LLGL1: variants seen among roughly 807,000 people sequenced by gnomAD.
LLGL1 encodes lethal(2) giant larvae protein homolog 1.
LLGL1 carries 58 observed loss-of-function variants against 110.6 expected under a neutral mutation model. The observed-to-expected ratio is 0.52, with a 90% CI of 0.42 to 0.65. The LOEUF (loss-of-function observed/expected upper bound fraction) is 0.65, where lower values mean the gene tolerates loss of function less well. Ranked by LOEUF, LLGL1 falls within the 30% of genes least tolerant of loss-of-function variation. The probability of loss-of-function intolerance (pLI) is 0.00; values close to 1 mark genes in which losing one functional copy is unlikely to be tolerated. For synonymous variants in LLGL1, 674 were observed against 607.2 expected, an observed-to-expected ratio of 1.11 and a Z score of -1.62; for missense variants, 1,229 against 1,462.1, an observed-to-expected ratio of 0.84 and a Z score of 2.60.
intron 16 of LLGL1, among the ~76,000 whole-genome samples, chr17:18,239,755 CTTTT>C (rs1238571775): frequency 1.3e-5 from 2 of 151,022 alleles, no homozygotes; most frequent in Non-Finnish European, 3.0e-5. Context: ...GGTTCTTTGA[CTTTT>C]TGTTTTTTTT....
At chr17:18,243,364 C>T (rs577927646) in intron 22 of LLGL1, among the ~76,000 whole-genome samples, 1 of 152,354 alleles carries the variant, frequency 6.6e-6, no homozygotes, top group East Asian at 1.9e-4. Flanking sequence ...GCCTCGGCCT[C>T]CCTAAGTCCT....
At chr17:18,232,899 C>A in intron 4 of LLGL1, 97 bp downstream of exon 4, 1 of 1,494,106 alleles carries the variant, frequency 6.7e-7, no homozygotes, top group Non-Finnish European at 9.2e-7. Context: ...AGATGGGCAG[C>A]GGTTCAGGGC....
Position 18,225,778 on chromosome 17 carries a change from C to A in LLGL1, c.81+15C>A. The A allele has an allele frequency of 1.6e-6, 1 of 640,018 alleles. No individual in the cohort carries two copies. The highest frequency in any genetic ancestry group is 1.9e-6 in the Non-Finnish European group (1 of 515,268). 39.6% of individuals were successfully genotyped at this position (640,018 alleles called of 1,614,324 possible). A position where few individuals can be genotyped will look rare whatever the true frequency, so the allele number is the denominator to read the frequency against. On this transcript the variant is annotated intron_variant, in intron 1 of 22. Transcript: ENST00000316843. ...CCTTCAACAAGGTGCGGCGGCGGCC[C>A]GGGCCCGGGCTCGGGCGGGAGGGGG...
rs76532433 is a variant in LLGL1 at position 18,241,361 on chromosome 17, G to A, written c.2503-90G>A. 7.0e-4 allele frequency: 1,031 copies of A among 1,481,096 alleles called. 16 individuals are homozygous for A. The East Asian group carries it at 0.023, about 34-fold the overall frequency. 91.7% of individuals were successfully genotyped at this position (1,481,096 alleles called of 1,614,324 possible). On this transcript the variant is annotated intron_variant, in intron 17 of 22. Coordinates refer to ENST00000316843, the MANE Select transcript of LLGL1 (RefSeq NM_004140.4). ...GTAGCATGCAGCTGGGCTTTGTGGT[G>A]GGGGCTGTTGGGTCAGCAGCCACGA...
chr17:18,238,531 A>G lies in LLGL1; in HGVS notation c.2128A>G (p.Ile710Val). 1.2e-6 allele frequency: 2 copies of G among 1,612,958 alleles called. No individual in the cohort carries two copies. Among genetic ancestry groups the G allele is most frequent in the South Asian group, 1.1e-5 (1 of 91,082 alleles). Residue 710 changes from isoleucine to valine, a missense_variant, in exon 16 of 23, where the codon ATT becomes GTT. Ile to Val is a conservative substitution (Grantham distance 29, BLOSUM62 3). Coordinates refer to ENST00000316843, the MANE Select transcript of LLGL1 (RefSeq NM_004140.4). ...DVEMTPVQRR[I>V]EPRSADDSLS... ...GGAGATGACGCCCGTGCAGCGCCGC[A>G]TTGAGCCCCGCTCTGCCGATGACTC... is the stretch of plus-strand genomic sequence containing the variant.
chr17:18,241,008 A>G, intron 17 of LLGL1, 135 bp downstream of exon 17: 1 of 960,784 alleles, frequency 1.0e-6, no homozygotes, highest in Non-Finnish European at 1.5e-6. Context: ...CTTGCACCCC[A>G]GAAAACACTC....
chr17:18,237,171 C>A (rs1342614844), intron 13 of LLGL1: 2 of 598,146 alleles, frequency 3.3e-6, no homozygotes, highest in Non-Finnish European at 6.0e-6. Context: ...CCGGCACTCA[C>A]ATGACATACA....
At chr17:18,236,782 G>A (rs1413861354) in intron 12 of LLGL1, 22 bp downstream of exon 12, 32 of 1,612,500 alleles carry the variant, frequency 2.0e-5, no homozygotes, top group Non-Finnish European at 2.7e-5. Flanking sequence ...CCCTGGCCCT[G>A]ATGAGCTGGT....
chr17:18,234,546 C>T, intron 7 of LLGL1, 103 bp from the exon 8 acceptor site: 1 of 1,575,482 alleles, frequency 6.3e-7, no homozygotes, highest in Non-Finnish European at 8.7e-7. Context: ...CCCGGGGAGG[C>T]AGGAGGCAGC....
At position 18,240,670 on chromosome 17, in the gene LLGL1, G is replaced by A. The variant is rs779899852; in HGVS notation, c.2299G>A (p.Glu767Lys). ...LEVPAAAVGG[E>K]KRPEQAVEAV... ...GGTGCCGGCAGCAGCAGTGGGTGGT[G>A]AGAAGCGGCCTGAGCAAGCGGTGGA... Residue 767 changes from glutamate (E) to lysine (K), a missense_variant, in exon 17 of 23, where the codon GAG (glutamate) becomes AAG (lysine). By Grantham distance (56) the Glu-to-Lys change is moderately conservative (BLOSUM62 1). Transcript: ENST00000316843. The surrounding 1 kb of genome is among the most constrained non-coding windows in gnomAD (Gnocchi z 5.3). 7 of 1,613,196 alleles carry A rather than the reference G, an allele frequency of 4.3e-6. No individual in the cohort carries two copies. Among genetic ancestry groups the A allele is most frequent in the Non-Finnish European group, 5.9e-6 (7 of 1,179,828 alleles).
At chr17:18,232,323 G>A (rs887253022) in intron 2 of LLGL1, among the ~76,000 whole-genome samples, 172 bp from the exon 3 acceptor site, 2 of 152,270 alleles carry the variant, frequency 1.3e-5, no homozygotes, top group African/African-American at 2.4e-5. Flanking sequence ...CTGTAGGGGT[G>A]CAGAGTGGGA....
At chr17:18,243,580 G>T (rs1189548189) in intron 22 of LLGL1, among the ~76,000 whole-genome samples, 3 of 152,248 alleles carry the variant, frequency 2.0e-5, no homozygotes, top group Admixed American at 6.5e-5. Flanking sequence ...TCACCTAGAT[G>T]TGGGGCCCAT....
chr17:18,235,192 C>T lies in LLGL1; in HGVS notation c.1164C>T (p.Ala388=). 6.2e-7 allele frequency: 1 copy of T among 1,612,448 alleles called. No homozygotes were observed. Among genetic ancestry groups the T allele is most frequent in the Non-Finnish European group, 8.5e-7 (1 of 1,180,026 alleles). ...GWPAVPAPYL[A]PLHSSAITCS... is the part of the protein sequence containing the mutation. ...CAGCTGTGCCTGCCCCATACCTGGC[C>T]CCGCTGCACTCCTCTGCAATCACTT... is the stretch of plus-strand genomic sequence containing the variant. The change falls in exon 10 of 23, where the codon GCC becomes GCT. Residue 388 remains alanine (A), a synonymous_variant. Coordinates refer to ENST00000316843, the MANE Select transcript of LLGL1 (RefSeq NM_004140.4).
chr17:18,226,974 G>A (rs182151180), intron 1 of LLGL1, among the ~76,000 whole-genome samples: 1 of 152,394 alleles, frequency 6.6e-6, no homozygotes, highest in African/African-American at 2.4e-5. Context: ...AGAGTGAGCT[G>A]CACCAATATC....
At chr17:18,229,909 G>A in intron 1 of LLGL1, 32 bp from the exon 2 acceptor site, 1 of 1,521,224 alleles carries the variant, frequency 6.6e-7, no homozygotes, top group Non-Finnish European at 9.0e-7. Context: ...GCCTGGGAGT[G>A]CTTACCCCCA....
In LLGL1 at chr17:18,238,029, G is replaced by A. The variant is rs758677399; in HGVS notation, c.1905-38G>A. ...AGGAGTGTGGTGGCTGCCCCAGGAG[G>A]CTGCTCTATAGCACGACTGGACCCT... is the stretch of plus-strand genomic sequence containing the variant. On this transcript the variant is annotated intron_variant, in intron 14 of 22. Coordinates refer to ENST00000316843, the MANE Select transcript of LLGL1 (RefSeq NM_004140.4). 6.2e-6 allele frequency: 10 copies of A among 1,606,822 alleles called. No homozygotes were observed. In the African/African-American group the frequency reaches 1.3e-4, roughly 21 times the overall value.
intron 2 of LLGL1, 88 bp downstream of exon 2, chr17:18,230,126 TC>T: frequency 9.6e-7 from 1 of 1,046,278 alleles, no homozygotes; most frequent in Non-Finnish European, 1.4e-6. Context: ...CTTGGCAGTG[TC>T]CAGCTCGAGA....
Position 18,234,844 on chromosome 17 carries a change from A to G in LLGL1, c.911A>G (p.His304Arg). 6.2e-7 allele frequency: 1 copy of G among 1,613,918 alleles called. No individual in the cohort carries two copies. Among genetic ancestry groups the G allele is most frequent in the East Asian group, 2.2e-5 (1 of 44,874 alleles). The stretch of plus-strand genomic sequence containing the variant: ...ACACCTCCCTCTGCACATAGGGGCC[A>G]CTTTATCATCTTCAGCGGTGGCATG... Reference protein sequence around the residue: ...ILWRNCESGGHFIIFSGGMPR... With the variant: ...ILWRNCESGGRFIIFSGGMPR... Residue 304 changes from histidine (H) to arginine (R), a missense_variant, in exon 9 of 23, where the codon CAC (histidine) becomes CGC (arginine). His to Arg is a conservative substitution (Grantham distance 29, BLOSUM62 0). Coordinates refer to ENST00000316843, the MANE Select transcript of LLGL1 (RefSeq NM_004140.4).
In LLGL1 at chr17:18,240,826, A is replaced by G. The variant is rs1289558675; in HGVS notation, c.2455A>G (p.Met819Val). ...ACGGGACCTGGCGCAGGCACCTGAC[A>G]TGCAGGGTGGTCACGCTGTGCTCAT... Reference protein sequence around the residue: ...ASRDLAQAPDMQGGHAVLIAS... With the variant: ...ASRDLAQAPDVQGGHAVLIAS... Residue 819 changes from methionine (M) to valine (V), a missense_variant, in exon 17 of 23, where the codon ATG (methionine) becomes GTG (valine). Coordinates refer to ENST00000316843, the MANE Select transcript of LLGL1 (RefSeq NM_004140.4). The surrounding 1 kb of genome is among the most constrained non-coding windows in gnomAD (Gnocchi z 5.3). The G allele has an allele frequency of 2.5e-6, 4 of 1,569,530 alleles. 1 individual carries two copies. The highest frequency in any genetic ancestry group is 3.5e-6 in the Non-Finnish European group (4 of 1,154,554).
Sources: gnomAD v4.1 joint callset for allele counts (sites outside exome capture counted in the v4.1 genomes callset) on GRCh38, gnomAD v4.1.1 for gene constraint, Gnocchi (gnomAD v3.1) non-coding constraint, MANE v1.5 for transcripts, NCBI Gene and HGNC (gene_info 2026-07-23, HGNC 2026-07-21) for gene names.